The following CSMD1 variants were observed in gnomAD, a reference collection of about 807,000 sequenced individuals.
The protein encoded by CSMD1 is CUB and Sushi multiple domains 1.
Under a neutral mutation model 417.5 loss-of-function variants are expected in CSMD1, and 213 were observed. The observed-to-expected ratio is 0.51, with a 90% CI of 0.46 to 0.57. The LOEUF is 0.57. CSMD1 is among the 20% of genes least tolerant of loss of function. The pLI, the probability that CSMD1 is intolerant of heterozygous loss-of-function variation, is 0.00. For synonymous variants in CSMD1, 2,862 were observed against 1,736.8 expected (o/e 1.65, Z -16.11); for missense variants, 6,923 against 4,529.7 (o/e 1.53, Z -15.17).
rs558176168 is a variant in CSMD1, at chr8:4,732,962, C to T, written c.86-95404G>A. On this transcript the variant is annotated intron_variant, in intron 1 of 69. Transcript: ENST00000635120. The stretch of plus-strand genomic sequence containing the variant: ...AGGGCGGAGAAGGAGGGAACAGGTG[C>T]ATTTGTACCTCAGCACAAATCTCTA... Among the ~76,000 whole-genome samples, 45 of 152,072 alleles carry T rather than the reference C, an allele frequency of 3.0e-4. No individual in the cohort carries two copies. In the South Asian group the frequency reaches 8.9e-3, roughly 30 times the overall value.
At chr8:3,595,254 G>T (rs894692209) in intron 8 of CSMD1, among the ~76,000 whole-genome samples, 1 of 152,136 alleles carries the variant, frequency 6.6e-6, no homozygotes, top group Non-Finnish European at 1.5e-5. Context: ...CACATGCTAG[G>T]GAAACAATGT....
At chr8:3,157,070 G>A (rs907183592) in intron 39 of CSMD1, among the ~76,000 whole-genome samples, 1 of 151,968 alleles carries the variant, frequency 6.6e-6, no homozygotes, top group Non-Finnish European at 1.5e-5. Context: ...AATAGGTTTG[G>A]AGAAGCCGAT....
intron 1 of CSMD1, among the ~76,000 whole-genome samples, chr8:4,664,370 G>C (rs1175492230): frequency 6.6e-6 from 1 of 152,064 alleles, no homozygotes; most frequent in Non-Finnish European, 1.5e-5. Context: ...GACCAGCCTG[G>C]GCAACATGGT....
chr8:4,093,605 C>G (rs1296539759), intron 3 of CSMD1, among the ~76,000 whole-genome samples: 1 of 152,078 alleles, frequency 6.6e-6, no homozygotes, highest in African/African-American at 2.4e-5. Context: ...TGCTTTTTCC[C>G]TATTTGAAAG....
At chr8:4,833,852 G>T (rs979398287) in intron 1 of CSMD1, among the ~76,000 whole-genome samples, 4 of 152,202 alleles carry the variant, frequency 2.6e-5, no homozygotes, top group Admixed American at 2.6e-4. Flanking sequence ...ACGTTGGCTA[G>T]CTCTGTACTC....
intron 5 of CSMD1, among the ~76,000 whole-genome samples, chr8:3,986,771 T>G (rs1388810363): frequency 6.6e-6 from 1 of 152,030 alleles, no homozygotes; most frequent in Non-Finnish European, 1.5e-5. Context: ...TTTTCTTTTT[T>G]TTTAGATGGA....
chr8:4,668,091 C>G (rs1016200293), intron 1 of CSMD1, among the ~76,000 whole-genome samples: 2 of 152,080 alleles, frequency 1.3e-5, no homozygotes, highest in Non-Finnish European at 2.9e-5. Flanking sequence ...CTTATTCTAC[C>G]TTGCACGTGT....
chr8:3,352,954 T>A (rs746800013), intron 21 of CSMD1, among the ~76,000 whole-genome samples: 1 of 152,086 alleles, frequency 6.6e-6, no homozygotes, highest in African/African-American at 2.4e-5. Context: ...ACTAAGCCCA[T>A]GTTACAGATG....
intron 12 of CSMD1, among the ~76,000 whole-genome samples, chr8:3,425,508 A>T (rs903788955): frequency 6.6e-6 from 1 of 151,346 alleles, no homozygotes; most frequent in African/African-American, 2.4e-5. Flanking sequence ...GAACCGCTTG[A>T]ACCCAGGAGG....
intron 6 of CSMD1, among the ~76,000 whole-genome samples, chr8:3,713,296 T>G (rs1405675529): frequency 1.3e-5 from 2 of 152,212 alleles, no homozygotes; most frequent in Admixed American, 1.3e-4. Flanking sequence ...TTCTGTAGGT[T>G]GTTTGAAAAT....
At chr8:3,852,413 T>A (rs973132684) in intron 5 of CSMD1, among the ~76,000 whole-genome samples, 4 of 152,028 alleles carry the variant, frequency 2.6e-5, no homozygotes, top group Non-Finnish European at 4.4e-5. Context: ...TGAACCACAC[T>A]CCCCTGTGCT....
intron 1 of CSMD1, among the ~76,000 whole-genome samples, chr8:4,642,384 A>G (rs867742586): frequency 4.6e-5 from 7 of 151,530 alleles, no homozygotes; most frequent in African/African-American, 1.7e-4. Context: ...CACTCTGAAC[A>G]CCCCCCTACA....
At chr8:4,597,218 T>C (rs892453229) in intron 2 of CSMD1, among the ~76,000 whole-genome samples, 1 of 152,214 alleles carries the variant, frequency 6.6e-6, no homozygotes, top group Non-Finnish European at 1.5e-5. Flanking sequence ...ATAAAGTGTG[T>C]AATTTCTAAT....
chr8:4,666,503 C>T (rs780941363), intron 1 of CSMD1, among the ~76,000 whole-genome samples: 1 of 152,134 alleles, frequency 6.6e-6, no homozygotes, highest in Non-Finnish European at 1.5e-5. Flanking sequence ...TTACTAAGAC[C>T]CTCCAGAACG....
chr8:4,440,318 T>C (rs906828052), intron 2 of CSMD1, among the ~76,000 whole-genome samples: 2 of 152,182 alleles, frequency 1.3e-5, no homozygotes, highest in Non-Finnish European at 2.9e-5. Context: ...AGCTGGAAAG[T>C]CTATTAACTG....
At chr8:2,977,422 G>C (rs1232770594) in intron 55 of CSMD1, among the ~76,000 whole-genome samples, 2 of 152,214 alleles carry the variant, frequency 1.3e-5, no homozygotes, top group Non-Finnish European at 2.9e-5. Context: ...TCTCTGCAAA[G>C]GACATAATCT....
chr8:2,964,876 C>T (rs1191312885), intron 59 of CSMD1, among the ~76,000 whole-genome samples: 2 of 152,160 alleles, frequency 1.3e-5, no homozygotes, highest in African/African-American at 4.8e-5. Context: ...CACATTTAAC[C>T]ATGTGTCTTG....
At chr8:3,699,892 T>C (rs1327588825) in intron 7 of CSMD1, among the ~76,000 whole-genome samples, 5 of 131,026 alleles carry the variant, frequency 3.8e-5, no homozygotes, top group Admixed American at 1.5e-4. Context: ...GCTACATCCC[T>C]GGGTTATATC....
intron 10 of CSMD1, among the ~76,000 whole-genome samples, chr8:3,538,401 A>C (rs753908148): frequency 4.6e-5 from 7 of 151,972 alleles, no homozygotes; most frequent in Non-Finnish European, 8.8e-5. Flanking sequence ...TGCACCTGAG[A>C]TGCCTCACCT....
Sources: gnomAD v4.1 joint callset for allele counts (sites outside exome capture counted in the v4.1 genomes callset) on GRCh38, gnomAD v4.1.1 for gene constraint, MANE v1.5 for transcripts, NCBI Gene and HGNC (gene_info 2026-07-23, HGNC 2026-07-21) for gene names.